CFAP44: variants seen among roughly 807,000 people sequenced by gnomAD.
CFAP44 encodes the protein cilia- and flagella-associated protein 44.
A neutral mutation model predicts 216.2 loss-of-function variants in CFAP44; 134 were observed. The observed-to-expected ratio is 0.62, with a 90% CI of 0.54 to 0.72. The LOEUF (loss-of-function observed/expected upper bound fraction) is 0.72, where lower values mean the gene tolerates loss of function less well. Among genes scored for constraint, CFAP44 ranks in the 30% least tolerant of loss-of-function variants. CFAP44 has a pLI of 0.00. For missense variants in CFAP44, 2,035 were observed against 2,182.1 expected, an observed-to-expected ratio of 0.93 and a Z score of 1.34; for synonymous variants, 700 against 727.6, an observed-to-expected ratio of 0.96 and a Z score of 0.61.
intron 22 of CFAP44, among the ~76,000 whole-genome samples, chr3:113,356,702 T>A (rs1258253585): frequency 5.3e-5 from 8 of 152,038 alleles, no homozygotes; most frequent in African/African-American, 1.9e-4. Flanking sequence ...GTAAAAACAA[T>A]AGAGCTTCTA....
intron 26 of CFAP44, among the ~76,000 whole-genome samples, chr3:113,328,203 G>GTTGTA (rs1559912767): frequency 2.0e-5 from 3 of 149,920 alleles, no homozygotes; most frequent in African/African-American, 7.4e-5. Flanking sequence ...AAATAAATAC[G>GTTGTA]TTTCCCAACT....
intron 24 of CFAP44, among the ~76,000 whole-genome samples, chr3:113,337,656 C>T (rs921604453): frequency 6.6e-6 from 1 of 151,946 alleles, no homozygotes; most frequent in Non-Finnish European, 1.5e-5. Flanking sequence ...ACAAATATGT[C>T]CAAATGATTT....
chr3:113,322,493 T>C (rs1187627165), intron 28 of CFAP44, among the ~76,000 whole-genome samples: 4 of 152,124 alleles, frequency 2.6e-5, no homozygotes, highest in African/African-American at 9.7e-5. Context: ...AAAATACTCA[T>C]AATCACTAAT....
At chr3:113,318,857 C>T (rs983074772) in intron 28 of CFAP44, among the ~76,000 whole-genome samples, 1 of 151,928 alleles carries the variant, frequency 6.6e-6, no homozygotes, top group Non-Finnish European at 1.5e-5. Context: ...AAATAAAATC[C>T]TTCTCAGTAA....
chr3:113,423,105 CTTTTTTT>C (rs72395986), intron 4 of CFAP44, among the ~76,000 whole-genome samples: 202 of 79,170 alleles, frequency 2.6e-3, no homozygotes, highest in African/African-American at 6.0e-3. Context: ...CTGATCCTTC[CTTTTTTT>C]TTTTTTTTTT....
At chr3:113,327,969 T>C in intron 26 of CFAP44, 150 bp from the exon 27 acceptor site, 1 of 682,758 alleles carries the variant, frequency 1.5e-6, no homozygotes, top group South Asian at 2.0e-5. Context: ...CAAAAATAAA[T>C]TCATTAATGG....
intron 2 of CFAP44, 50 bp downstream of exon 2, chr3:113,433,515 G>A (rs2107416148): frequency 1.2e-5 from 11 of 952,392 alleles, no homozygotes; most frequent in Non-Finnish European, 1.5e-5. Flanking sequence ...TTATTTAAAT[G>A]TTTACCTAAG....
intron 24 of CFAP44, among the ~76,000 whole-genome samples, chr3:113,334,882 G>A (rs1163147650): frequency 6.6e-6 from 1 of 152,170 alleles, no homozygotes; most frequent in Non-Finnish European, 1.5e-5. Context: ...CAACATTCCT[G>A]TCTAATTTTT....
intron 2 of CFAP44, among the ~76,000 whole-genome samples, chr3:113,431,694 G>A (rs1489447550): frequency 6.6e-6 from 1 of 152,162 alleles, no homozygotes; most frequent in Non-Finnish European, 1.5e-5. Context: ...AAAATATAAT[G>A]TGGAGAAACT....
At chr3:113,324,007 G>A (rs1476020003) in intron 28 of CFAP44, among the ~76,000 whole-genome samples, 4 of 143,496 alleles carry the variant, frequency 2.8e-5, no homozygotes, top group East Asian at 2.1e-4. Flanking sequence ...TCGCGCCACC[G>A]CACTCCAGCC....
Position 113,379,650 on chromosome 3 carries a change from G to A in CFAP44, c.2053-99C>T, listed in dbSNP as rs1933451972. The A allele has an allele frequency of 3.5e-6, 3 of 860,556 alleles. No homozygotes were observed. In the East Asian group the frequency reaches 8.7e-5, roughly 25 times the overall value. The allele number at this position is 860,556 out of a possible 1,614,324, so 53.3% of individuals were successfully genotyped here. ...AATGAAAATAGAAAGAAGATACACA[G>A]CTCTGTAACAAATAATATTTAAAAA... On this transcript the variant is annotated intron_variant, in intron 16 of 34. Transcript: ENST00000393845.
chr3:113,363,114 A>G (rs747660159), intron 21 of CFAP44, 31 bp downstream of exon 21: 12 of 1,520,002 alleles, frequency 7.9e-6, no homozygotes, highest in Non-Finnish European at 1.1e-5. Flanking sequence ...AGCATATGTT[A>G]AAATAAAAAT....
chr3:113,401,335 A>G (rs1203839784), intron 10 of CFAP44, 48 bp from the exon 11 acceptor site: 1 of 1,502,910 alleles, frequency 6.7e-7, no homozygotes, highest in Admixed American at 2.2e-5. Context: ...AACTTTCATC[A>G]GATTTTTTAA....
chr3:113,303,916 T>C lies in CFAP44; in HGVS notation c.5077A>G (p.Lys1693Glu), dbSNP rs1949961402. Residue 1693 changes from lysine to glutamate, a missense_variant and splice_region_variant, in exon 32 of 35, where the codon AAA (lysine) becomes GAA (glutamate). Coordinates refer to ENST00000393845, the MANE Select transcript of CFAP44 (RefSeq NM_001164496.2). ...EKREMTKTIH[K>E]MEETVRQLMI... ...CAAGGCTGTGGGCTTAGATACTCAC[T>C]GTGTATGGTTTTTGTCATTTCTCTC... The C allele has an allele frequency of 6.5e-7, 1 of 1,537,506 alleles. No homozygotes were observed. Among genetic ancestry groups the C allele is most frequent in the African/African-American group, 1.4e-5 (1 of 73,028 alleles).
In CFAP44 at chr3:113,312,073, G is replaced by GTTT. The variant is rs199653080; in HGVS notation, c.4517-3808_4517-3806dup. The stretch of plus-strand genomic sequence containing the variant: ...TTTGTGTGTGTCTGTGTGTGTGTGT[G>GTTT]TTTTTTTTTTTTTTTTTTGAGACCA... On this transcript the variant is annotated intron_variant, in intron 28 of 34. Coordinates refer to ENST00000393845, the MANE Select transcript of CFAP44 (RefSeq NM_001164496.2). Among the ~76,000 whole-genome samples the GTTT allele has an allele frequency of 9.5e-4, 120 of 126,784 alleles. 2 individuals carry two copies. The highest frequency in any genetic ancestry group is 3.2e-3 in the African/African-American group (104 of 32,990). The allele number at this position is 126,784 out of a possible 152,430, so 83.2% of individuals were successfully genotyped here. A position where few individuals can be genotyped will look rare whatever the true frequency, so the allele number is the denominator to read the frequency against.
chr3:113,327,467 G>A (rs1335948791), intron 27 of CFAP44, 149 bp downstream of exon 27: 1 of 654,110 alleles, frequency 1.5e-6, no homozygotes, highest in African/African-American at 1.8e-5. Flanking sequence ...AGACTAGGTA[G>A]GAATAACAGG....
chr3:113,382,297 T>C (rs1389055795), intron 15 of CFAP44, among the ~76,000 whole-genome samples: 1 of 152,138 alleles, frequency 6.6e-6, no homozygotes, highest in Non-Finnish European at 1.5e-5. Flanking sequence ...AAGGAAAGAT[T>C]GACAGGATCA....
intron 1 of CFAP44, chr3:113,434,676 A>T (rs1158005289): frequency 6.6e-6 from 1 of 152,240 alleles, no homozygotes; most frequent in South Asian, 2.1e-4. Context: ...AGCAGAATGG[A>T]ACACTAGTTC....
At chr3:113,416,449 A>G in intron 6 of CFAP44, 76 bp downstream of exon 6, 3 of 1,186,296 alleles carry the variant, frequency 2.5e-6, no homozygotes, top group Non-Finnish European at 3.7e-6. Context: ...ACCTTGACTT[A>G]TGAAATAATG....
Sources: allele counts gnomAD v4.1 joint callset (sites outside exome capture counted in the v4.1 genomes callset), GRCh38; gene constraint gnomAD v4.1.1; transcripts MANE v1.5; gene names NCBI Gene and HGNC (gene_info 2026-07-23, HGNC 2026-07-21).